ZCCHC7: variants seen among roughly 807,000 people sequenced by gnomAD.
The protein encoded by ZCCHC7 is zinc finger CCHC-type containing 7.
ZCCHC7 carries 35 observed loss-of-function variants against 52.0 expected under a neutral mutation model. The ratio of observed to expected loss-of-function variants is 0.67; its 90% confidence interval spans 0.51 to 0.89. The LOEUF (loss-of-function observed/expected upper bound fraction) is 0.89, where lower values mean the gene tolerates loss of function less well. Ranked by LOEUF, ZCCHC7 falls within the 40% of genes least tolerant of loss-of-function variation. The pLI, the probability that ZCCHC7 is intolerant of heterozygous loss-of-function variation, is 0.00. For missense variants in ZCCHC7, 574 were observed against 649.1 expected (o/e 0.88, Z 1.26); for synonymous variants, 217 against 221.5 (o/e 0.98, Z 0.18).
At chr9:37,315,941 G>A (rs1829798099) in intron 5 of ZCCHC7, among the ~76,000 whole-genome samples, 1 of 148,674 alleles carries the variant, frequency 6.7e-6, no homozygotes, top group Non-Finnish European at 1.5e-5. Context: ...AAAATATAAT[G>A]GACTTAAAAA....
intron 2 of ZCCHC7, among the ~76,000 whole-genome samples, chr9:37,180,840 TTATTC>T: frequency 6.6e-6 from 1 of 152,156 alleles, no homozygotes. Context: ...ATAGGATACT[TTATTC>T]TAAGTGAGAC....
At chr9:37,270,410 G>A (rs910848475) in intron 2 of ZCCHC7, among the ~76,000 whole-genome samples, 1 of 151,886 alleles carries the variant, frequency 6.6e-6, no homozygotes, top group South Asian at 2.1e-4. Flanking sequence ...CTCCTAGGAG[G>A]CTGGGCGCGG....
In ZCCHC7 at chr9:37,308,215, G is replaced by A. The variant is rs114775974; in HGVS notation, c.951+2501G>A. Among the ~76,000 whole-genome samples, 1,054 of 152,200 alleles carry A rather than the reference G, an allele frequency of 6.9e-3. 19 individuals carry two copies. Among genetic ancestry groups the A allele is most frequent in the African/African-American group, 0.023 (975 of 41,540 alleles). On this transcript the variant is annotated intron_variant, in intron 5 of 8. Transcript: ENST00000336755. ...CAAAGTACTTTAGTCTTATTTTTTA[G>A]TGTTTACCAAGTCTTAAAAATGATA...
At chr9:37,251,827 C>T (rs941810978) in intron 2 of ZCCHC7, among the ~76,000 whole-genome samples, 5 of 152,256 alleles carry the variant, frequency 3.3e-5, no homozygotes, top group African/African-American at 4.8e-5. Flanking sequence ...TCACCAGTAT[C>T]GTGTGATCAC....
chr9:37,279,797 G>A (rs187619951), intron 2 of ZCCHC7, among the ~76,000 whole-genome samples: 187 of 152,022 alleles, frequency 1.2e-3, no homozygotes, highest in African/African-American at 4.3e-3. Flanking sequence ...TGTGAAAGCT[G>A]GAGTAGTCAT....
At chr9:37,123,979 G>A (rs1393021026) in intron 1 of ZCCHC7, among the ~76,000 whole-genome samples, 4 of 152,028 alleles carry the variant, frequency 2.6e-5, no homozygotes, top group Admixed American at 2.0e-4. Flanking sequence ...GGGTTTATTT[G>A]TTTCTGGAAA....
chr9:37,122,793 C>T (rs1181304914), intron 1 of ZCCHC7, among the ~76,000 whole-genome samples: 2 of 152,126 alleles, frequency 1.3e-5, no homozygotes, highest in African/African-American at 4.8e-5. Flanking sequence ...AAAAATTACC[C>T]AGGCGTGGTG....
intron 2 of ZCCHC7, among the ~76,000 whole-genome samples, chr9:37,134,984 C>G (rs1370674458): frequency 6.6e-6 from 1 of 152,190 alleles, no homozygotes; most frequent in African/African-American, 2.4e-5. Context: ...ACCTCGGCCT[C>G]CCAAAGTGCT....
chr9:37,295,331 A>G (rs529158441), intron 2 of ZCCHC7, among the ~76,000 whole-genome samples: 1 of 152,202 alleles, frequency 6.6e-6, no homozygotes, highest in Non-Finnish European at 1.5e-5. Flanking sequence ...GTAAAGGCCA[A>G]ATCATGAAAG....
intron 2 of ZCCHC7, among the ~76,000 whole-genome samples, chr9:37,217,703 AT>A (rs1824583987): frequency 6.6e-6 from 1 of 152,160 alleles, no homozygotes; most frequent in Non-Finnish European, 1.5e-5. Flanking sequence ...GCTATTTTAA[AT>A]TTCCAACAGT....
intron 2 of ZCCHC7, among the ~76,000 whole-genome samples, chr9:37,204,668 G>A (rs1307279882): frequency 1.3e-5 from 2 of 152,080 alleles, no homozygotes; most frequent in African/African-American, 2.4e-5. Context: ...TGGTCTATAT[G>A]TCTGTTTTGG....
In ZCCHC7 at chr9:37,222,329, GT is replaced by G. The variant is rs1438946746; in HGVS notation, c.611-79858del. The stretch of plus-strand genomic sequence containing the variant: ...GGGATAAACAGACCAGAATAACAGA[GT>G]GTGTGTGTGTGTGTGTGTGTGTGTG... On this transcript the variant is annotated intron_variant, in intron 2 of 8. Transcript: ENST00000336755. Among the ~76,000 whole-genome samples, 28 of 6,992 alleles carry G rather than the reference GT, an allele frequency of 4.0e-3. 1 individual carries two copies. In the East Asian group the frequency reaches 0.086, roughly 22 times the overall value. 4.6% of individuals were successfully genotyped at this position (6,992 alleles called of 152,430 possible).
intron 2 of ZCCHC7, among the ~76,000 whole-genome samples, chr9:37,259,703 A>C (rs2133439006): frequency 6.6e-6 from 1 of 152,264 alleles, no homozygotes; most frequent in Middle Eastern, 3.4e-3. Context: ...CTAAGTGTAG[A>C]TTTATACAGG....
intron 6 of ZCCHC7, among the ~76,000 whole-genome samples, chr9:37,334,483 G>A (rs1423200498): frequency 6.6e-6 from 1 of 151,948 alleles, no homozygotes; most frequent in African/African-American, 2.4e-5. Flanking sequence ...AACATGAACA[G>A]TCTCTCTGAA....
At chr9:37,219,571 G>A (rs752270591) in intron 2 of ZCCHC7, among the ~76,000 whole-genome samples, 31 of 152,034 alleles carry the variant, frequency 2.0e-4, no homozygotes, top group Non-Finnish European at 3.5e-4. Flanking sequence ...GTATTTCCTG[G>A]CACTCTTTTA....
chr9:37,230,228 T>C (rs1167122289), intron 2 of ZCCHC7, among the ~76,000 whole-genome samples: 1 of 152,210 alleles, frequency 6.6e-6, no homozygotes, highest in African/African-American at 2.4e-5. Context: ...GAAACAGTCG[T>C]TTATTATCAA....
intron 2 of ZCCHC7, among the ~76,000 whole-genome samples, chr9:37,182,969 C>G (rs1490204628): frequency 2.0e-5 from 3 of 152,120 alleles, no homozygotes; most frequent in African/African-American, 7.2e-5. Flanking sequence ...TGCACTTCAG[C>G]CTGGGCACCA....
At chr9:37,297,686 GTAGA>G in intron 2 of ZCCHC7, among the ~76,000 whole-genome samples, 1 of 152,184 alleles carries the variant, frequency 6.6e-6, no homozygotes, top group East Asian at 1.9e-4. Context: ...CACCTGCGGT[GTAGA>G]TAACCAACTG....
At chr9:37,267,625 C>G (rs1434560034) in intron 2 of ZCCHC7, among the ~76,000 whole-genome samples, 1 of 146,858 alleles carries the variant, frequency 6.8e-6, no homozygotes, top group Non-Finnish European at 1.5e-5. Context: ...GCTGGAGTGC[C>G]GTGGCATGAT....
Sources: allele counts gnomAD v4.1 joint callset (sites outside exome capture counted in the v4.1 genomes callset), GRCh38; gene constraint gnomAD v4.1.1; transcripts MANE v1.5; gene names NCBI Gene and HGNC (gene_info 2026-07-23, HGNC 2026-07-21).